DCX: variants seen among roughly 807,000 people sequenced by gnomAD.
DCX encodes neuronal migration protein doublecortin.
DCX carries 4 observed loss-of-function variants against 20.9 expected under a neutral mutation model. The observed-to-expected ratio is 0.19, with a 90% CI of 0.09 to 0.44. The LOEUF is 0.44. Ranked by LOEUF, DCX falls within the 20% of genes least tolerant of loss-of-function variation. The probability of loss-of-function intolerance (pLI) is 0.99; values close to 1 mark genes in which losing one functional copy is unlikely to be tolerated. For synonymous variants in DCX, 103 were observed against 111.4 expected (o/e 0.92, Z 0.47); for missense variants, 133 against 296.9 (o/e 0.45, Z 4.06).
chrX:111,358,210 G>T (rs748250107), intron 3 of DCX, among the ~76,000 whole-genome samples: 33 of 112,249 alleles, frequency 2.9e-4, no homozygotes, highest in African/African-American at 1.0e-3. Flanking sequence ...CTCTAACATT[G>T]CAGTCTTAGA....
At chrX:111,409,363 T>C (rs1049805208) in intron 2 of DCX, among the ~76,000 whole-genome samples, 1 of 111,405 alleles carries the variant, frequency 9.0e-6, no homozygotes, top group African/African-American at 3.3e-5. Flanking sequence ...CAAAAATCTA[T>C]AGAGGTTATA....
intron 2 of DCX, among the ~76,000 whole-genome samples, chrX:111,401,753 C>T (rs1406422120): frequency 9.2e-6 from 1 of 109,024 alleles, no homozygotes; most frequent in East Asian, 2.8e-4. Context: ...GACTCAAAGT[C>T]CCATCCCTTT....
rs1402727369 is a variant in DCX, at chrX:111,316,093, A to ATAAATAAATAAATT, written c.947-3358_947-3357insAATTTATTTATTTA. 2.7e-4 allele frequency among the ~76,000 whole-genome samples: 27 copies of ATAAATAAATAAATT among 100,798 alleles called. 1 individual carries two copies. The highest frequency in any genetic ancestry group is 1.1e-3 in the African/African-American group (27 of 25,671). 87.5% of individuals were successfully genotyped at this position (100,798 alleles called of 115,157 possible). ...TTAGAGTATAATAAAAAATAAAAAAAAAAAAAAAAAAAAAAAATGTTAAGG... is the reference window on the plus strand; with the variant it reads ...TTAGAGTATAATAAAAAATAAAAAAATAAATAAATAAATTAAAAAAAAAAAAAAAAATGTTAAGG... On this transcript the variant is annotated intron_variant, in intron 5 of 6. Transcript: ENST00000636035.
intron 3 of DCX, among the ~76,000 whole-genome samples, chrX:111,340,724 A>G (rs975172105): frequency 9.0e-6 from 1 of 111,103 alleles, no homozygotes; most frequent in Non-Finnish European, 1.9e-5. Flanking sequence ...CTAGGCATGG[A>G]GTGAATCAGA....
At chrX:111,374,378 C>A (rs1424325994) in intron 3 of DCX, among the ~76,000 whole-genome samples, 1 of 112,025 alleles carries the variant, frequency 8.9e-6, no homozygotes, top group Non-Finnish European at 1.9e-5. Flanking sequence ...ACAAATTAAT[C>A]CATGGGATCT....
intron 3 of DCX, among the ~76,000 whole-genome samples, chrX:111,350,891 T>C (rs2147671999): frequency 8.9e-6 from 1 of 111,965 alleles, no homozygotes; most frequent in East Asian, 2.8e-4. Context: ...GATGAGCAAG[T>C]CACATCTTAC....
chrX:111,347,206 GT>G (rs1396228041), intron 3 of DCX, among the ~76,000 whole-genome samples: 1 of 111,913 alleles, frequency 8.9e-6, no homozygotes, highest in Non-Finnish European at 1.9e-5. Flanking sequence ...ATATAATAAG[GT>G]TATCTGTGGA....
intron 3 of DCX, among the ~76,000 whole-genome samples, chrX:111,373,216 C>G (rs747603019): frequency 1.1e-4 from 12 of 112,172 alleles, no homozygotes; most frequent in Non-Finnish European, 2.1e-4. Flanking sequence ...CAAAATACAG[C>G]AAGGCTGACC....
intron 2 of DCX, among the ~76,000 whole-genome samples, chrX:111,402,479 AG>A (rs1332160490): frequency 8.9e-6 from 1 of 111,751 alleles, no homozygotes; most frequent in African/African-American, 3.3e-5. Context: ...TGATTTAATC[AG>A]GCTTAAGTCA....
intron 3 of DCX, among the ~76,000 whole-genome samples, chrX:111,362,398 T>C (rs1280186045): frequency 9.0e-6 from 1 of 110,753 alleles, no homozygotes; most frequent in Non-Finnish European, 1.9e-5. Flanking sequence ...AATGCGCTAG[T>C]GTGTCTTTGT....
intron 3 of DCX, among the ~76,000 whole-genome samples, chrX:111,393,365 A>G (rs1005312549): frequency 8.9e-6 from 1 of 111,997 alleles, no homozygotes; most frequent in African/African-American, 3.2e-5. Flanking sequence ...AGAGCTAAAA[A>G]TATAAAACTT....
intron 3 of DCX, among the ~76,000 whole-genome samples, chrX:111,335,351 T>C (rs934892763): frequency 7.1e-5 from 8 of 112,092 alleles, no homozygotes; most frequent in Non-Finnish European, 5.6e-5. Flanking sequence ...TGTGGTTCCT[T>C]GTAGAGAGCT....
rs761353827 is a variant in DCX, at chrX:111,330,877, G to T, written c.946+27C>A. 6 of 1,208,639 alleles carry T rather than the reference G, an allele frequency of 5.0e-6. No homozygotes were observed. The African/African-American group carries it at 8.7e-5, about 18-fold the overall frequency. ...ATTGTCCTCCATAAATGAAGTCAGC[G>T]TGCACAGTTAGGAAAAGAGCACTCA... On this transcript the variant is annotated intron_variant, in intron 5 of 6. Transcript: ENST00000636035.
intron 3 of DCX, among the ~76,000 whole-genome samples, chrX:111,387,028 T>A (rs1926576042): frequency 8.9e-6 from 1 of 111,968 alleles, no homozygotes; most frequent in Admixed American, 9.5e-5. Flanking sequence ...TAGTAGCTGG[T>A]ACATCCAAGA....
At chrX:111,372,690 G>A (rs1454103543) in intron 3 of DCX, among the ~76,000 whole-genome samples, 1 of 111,755 alleles carries the variant, frequency 8.9e-6, no homozygotes, top group Non-Finnish European at 1.9e-5. Context: ...TGGATATCTA[G>A]TAGTAAACTC....
At chrX:111,332,865 C>A (rs1251057109) in intron 4 of DCX, among the ~76,000 whole-genome samples, 186 bp downstream of exon 4, 2 of 111,050 alleles carry the variant, frequency 1.8e-5, no homozygotes, top group East Asian at 2.9e-4. Flanking sequence ...TCTGGGATAT[C>A]CAGTCAGTCT....
chrX:111,324,019 T>C (rs1368669311), intron 5 of DCX, among the ~76,000 whole-genome samples: 1 of 111,169 alleles, frequency 9.0e-6, no homozygotes, highest in Non-Finnish European at 1.9e-5. Flanking sequence ...AGCACCAGGG[T>C]GTTGAACCCG....
chrX:111,318,708 T>A (rs2095079693), intron 5 of DCX, among the ~76,000 whole-genome samples: 1 of 110,737 alleles, frequency 9.0e-6, no homozygotes, highest in Non-Finnish European at 1.9e-5. Context: ...GAAAACCAAA[T>A]ACTTAATTTC....
chrX:111,319,409 T>C (rs1272235965), intron 5 of DCX, among the ~76,000 whole-genome samples: 1 of 111,029 alleles, frequency 9.0e-6, no homozygotes, highest in Non-Finnish European at 1.9e-5. Flanking sequence ...GAGTAGTGTG[T>C]TTATATACCA....
Sources: allele counts gnomAD v4.1 joint callset (sites outside exome capture counted in the v4.1 genomes callset), GRCh38; gene constraint gnomAD v4.1.1; transcripts MANE v1.5; gene names NCBI Gene and HGNC (gene_info 2026-07-23, HGNC 2026-07-21).